Variants in IQCM observed in about 807,000 individuals in gnomAD.
IQCM encodes IQ motif containing M, also known as IQ domain-containing protein M.
IQCM carries 45 observed loss-of-function variants against 57.6 expected under a neutral mutation model. The observed-to-expected ratio is 0.78, with a 90% CI of 0.62 to 1.00. IQCM has a LOEUF of 1.00. IQCM is among the 50% of genes least tolerant of loss of function. The pLI is 0.00. For synonymous variants in IQCM, 148 were observed against 158.9 expected (o/e 0.93, Z 0.51); for missense variants, 468 against 511.6 (o/e 0.91, Z 0.82).
chr4:149,666,265 G>T (rs1462247351), intron 7 of IQCM: 1 of 152,158 alleles, frequency 6.6e-6, no homozygotes, highest in Admixed American at 6.5e-5. Context: ...AGTGGGTGGA[G>T]CCCAGGGAGG....
chr4:149,490,834 C>G (rs1742014842), intron 12 of IQCM, among the ~76,000 whole-genome samples: 1 of 152,096 alleles, frequency 6.6e-6, no homozygotes, highest in African/African-American at 2.4e-5. Flanking sequence ...CTTGGTAACG[C>G]TAATCACAAT....
intron 7 of IQCM, among the ~76,000 whole-genome samples, chr4:149,625,304 T>G (rs2150081531): frequency 6.6e-6 from 1 of 152,312 alleles, no homozygotes; most frequent in South Asian, 2.1e-4. Flanking sequence ...CTTTTGTTTG[T>G]TTATAATAAG....
At chr4:149,572,068 C>G (rs1319991101) in intron 9 of IQCM, among the ~76,000 whole-genome samples, 1 of 151,960 alleles carries the variant, frequency 6.6e-6, no homozygotes, top group African/African-American at 2.4e-5. Flanking sequence ...CAAAGAATAA[C>G]TTATAGCTCT....
chr4:149,455,823 T>C (rs74644562), intron 12 of IQCM, among the ~76,000 whole-genome samples: 1 of 151,360 alleles, frequency 6.6e-6, no homozygotes, highest in East Asian at 2.0e-4. Context: ...TTTTTTTTTT[T>C]AATTAGCCAG....
At chr4:149,621,314 A>G (rs916779358) in intron 7 of IQCM, 70 bp from the exon 8 acceptor site, 1 of 635,684 alleles carries the variant, frequency 1.6e-6, no homozygotes, top group African/African-American at 1.9e-5. Context: ...TATATTGCTT[A>G]ATGTTGCAAA....
intron 8 of IQCM, among the ~76,000 whole-genome samples, chr4:149,594,697 C>T (rs1753587514): frequency 6.6e-6 from 1 of 152,116 alleles, no homozygotes; most frequent in Non-Finnish European, 1.5e-5. Flanking sequence ...TTATTTCTGC[C>T]TTCATTTCAT....
At chr4:149,618,133 G>A (rs978529674) in intron 8 of IQCM, among the ~76,000 whole-genome samples, 24 of 152,040 alleles carry the variant, frequency 1.6e-4, no homozygotes, top group African/African-American at 2.7e-4. Flanking sequence ...TCAAAACAGC[G>A]TGACATTGGT....
chr4:149,584,841 A>C (rs540763266), intron 9 of IQCM, among the ~76,000 whole-genome samples: 1 of 151,886 alleles, frequency 6.6e-6, no homozygotes, highest in South Asian at 2.1e-4. Flanking sequence ...CTTATCCACC[A>C]CTATTTATCC....
chr4:149,537,931 T>G (rs1297223243), intron 12 of IQCM, among the ~76,000 whole-genome samples: 1 of 151,660 alleles, frequency 6.6e-6, no homozygotes, highest in Non-Finnish European at 1.5e-5. Context: ...ATGAATACAC[T>G]GCCAGAGACC....
chr4:149,376,585 G>A (rs1281353386), intron 13 of IQCM, among the ~76,000 whole-genome samples: 2 of 152,132 alleles, frequency 1.3e-5, no homozygotes, highest in African/African-American at 4.8e-5. Flanking sequence ...TGCAGTGACA[G>A]ATGATTGGGA....
rs59723652 is a variant in IQCM at position 149,797,794 on chromosome 4, G to GA, written c.-49+17516dup. 5.0e-3 allele frequency among the ~76,000 whole-genome samples: 713 copies of GA among 142,284 alleles called. 5 individuals are homozygous for GA. Among genetic ancestry groups the GA allele is most frequent in the African/African-American group, 0.016 (615 of 38,716 alleles). 93.3% of individuals were successfully genotyped at this position (142,284 alleles called of 152,430 possible). A position where few individuals can be genotyped will look rare whatever the true frequency, so the allele number is the denominator to read the frequency against. On this transcript the variant is annotated intron_variant, in intron 2 of 13. Coordinates refer to ENST00000636793, the MANE Select transcript of IQCM (RefSeq NM_001363507.2). ...GGCATGTCATATTTAAAATGCTGAA[G>GA]AAAAAAAAAAACTTTTTCTCTAGAA...
chr4:149,630,405 G>T (rs1757162676), intron 7 of IQCM, among the ~76,000 whole-genome samples: 1 of 152,174 alleles, frequency 6.6e-6, no homozygotes, highest in African/African-American at 2.4e-5. Context: ...GATAGTACAT[G>T]TTTTACAGAT....
chr4:149,670,454 T>C (rs1761151911), intron 7 of IQCM, among the ~76,000 whole-genome samples: 1 of 152,158 alleles, frequency 6.6e-6, no homozygotes, highest in Non-Finnish European at 1.5e-5. Flanking sequence ...CTTTTCCTAA[T>C]TGAATACCCT....
intron 12 of IQCM, among the ~76,000 whole-genome samples, chr4:149,447,513 G>T (rs1736640249): frequency 6.6e-6 from 1 of 151,526 alleles, no homozygotes; most frequent in African/African-American, 2.4e-5. Flanking sequence ...GAAAAACACA[G>T]TTGATGGGAT....
At chr4:149,420,514 A>T (rs2111214772) in intron 13 of IQCM, among the ~76,000 whole-genome samples, 1 of 152,112 alleles carries the variant, frequency 6.6e-6, no homozygotes, top group Non-Finnish European at 1.5e-5. Context: ...TGGGAAAAAT[A>T]GATAATGTAT....
intron 13 of IQCM, among the ~76,000 whole-genome samples, chr4:149,402,853 T>C (rs1484399448): frequency 6.6e-6 from 1 of 151,820 alleles, no homozygotes. Context: ...ACCTCACAAC[T>C]TTGGAGTAGT....
At chr4:149,580,477 T>A (rs193183599) in intron 9 of IQCM, among the ~76,000 whole-genome samples, 201 of 151,890 alleles carry the variant, frequency 1.3e-3, no homozygotes, top group African/African-American at 4.8e-3. Flanking sequence ...GCTAAACTCA[T>A]TTTCTTTATT....
intron 13 of IQCM, among the ~76,000 whole-genome samples, chr4:149,400,011 T>C (rs1732500871): frequency 6.6e-6 from 1 of 152,002 alleles, no homozygotes; most frequent in Admixed American, 6.6e-5. Context: ...TGAAATACAA[T>C]TGCAGACTCT....
intron 12 of IQCM, among the ~76,000 whole-genome samples, chr4:149,449,500 C>G (rs1337665751): frequency 2.0e-5 from 3 of 149,560 alleles, no homozygotes; most frequent in African/African-American, 7.3e-5. Context: ...TACTGAAAAA[C>G]AAATTCAGTA....
Sources: gnomAD v4.1 joint callset for allele counts (sites outside exome capture counted in the v4.1 genomes callset) on GRCh38, gnomAD v4.1.1 for gene constraint, MANE v1.5 for transcripts, NCBI Gene and HGNC (gene_info 2026-07-23, HGNC 2026-07-21) for gene names.